Variants in DPP6 observed in about 807,000 individuals in gnomAD.
DPP6 encodes A-type potassium channel modulatory protein DPP6.
Under a neutral mutation model 122.6 loss-of-function variants are expected in DPP6, and 69 were observed. That is an observed-to-expected ratio of 0.56 (90% CI 0.46 to 0.69). The LOEUF (loss-of-function observed/expected upper bound fraction) is 0.69, where lower values mean the gene tolerates loss of function less well. Among genes scored for constraint, DPP6 ranks in the 30% least tolerant of loss-of-function variants. The pLI, the probability that DPP6 is intolerant of heterozygous loss-of-function variation, is 0.00. For synonymous variants in DPP6, 418 were observed against 433.1 expected, an observed-to-expected ratio of 0.97 and a Z score of 0.43; for missense variants, 928 against 1,116.9, an observed-to-expected ratio of 0.83 and a Z score of 2.41.
At chr7:154,230,633 T>A (rs537699298) in intron 1 of DPP6, among the ~76,000 whole-genome samples, 35 of 152,330 alleles carry the variant, frequency 2.3e-4, no homozygotes, top group African/African-American at 8.4e-4. Flanking sequence ...GATGTAAAGA[T>A]TGGGGCTAGC....
Position 154,803,946 on chromosome 7 carries a change from G to A in DPP6, c.1490G>A (p.Gly497Glu), listed in dbSNP as rs1410390397. The change falls in exon 14 of 26, where the codon GGG (glycine) becomes GAG (glutamate). Residue 497 changes from glycine (G) to glutamate (E), a missense_variant. Physicochemically the swap from Gly to Glu is moderately conservative, Grantham distance 98. Transcript: ENST00000377770. ...AAGATCCTAGCCTACGATGAGAAGGGGAATAAGATGTGAGTGAGAACCAGG... is the reference window on the plus strand; with the variant it reads ...AAGATCCTAGCCTACGATGAGAAGGAGAATAAGATGTGAGTGAGAACCAGG... The part of the protein sequence containing the change: ...VTKILAYDEK[G>E]NKIYFLSTED... 6.2e-7 allele frequency: 1 copy of A among 1,613,622 alleles called. No individual in the cohort carries two copies. The highest frequency in any genetic ancestry group is 1.1e-5 in the South Asian group (1 of 90,934).
intron 1 of DPP6, among the ~76,000 whole-genome samples, chr7:154,275,552 G>A (rs1162879301): frequency 6.6e-6 from 1 of 152,170 alleles, no homozygotes; most frequent in African/African-American, 2.4e-5. Context: ...AGCAAACTAT[G>A]TTGCAGGTTT....
intron 1 of DPP6, among the ~76,000 whole-genome samples, chr7:153,939,781 T>A (rs1259889922): frequency 2.6e-5 from 4 of 152,174 alleles, no homozygotes; most frequent in African/African-American, 4.8e-5. Flanking sequence ...CTTTATTGCA[T>A]TTTGCTATGA....
rs73497241 is a variant in DPP6 at position 154,434,585 on chromosome 7, G to A, written c.244-11629G>A. On this transcript the variant is annotated intron_variant, in intron 1 of 25. Coordinates refer to ENST00000377770, the MANE Select transcript of DPP6 (RefSeq NM_130797.4). ...ATATTCCTTCTCTTCTCCCACCTTT[G>A]TTTCTGAGCTGCTCACCTGAGCTGT... Among the ~76,000 whole-genome samples, 1,189 of 152,098 alleles carry A rather than the reference G, an allele frequency of 7.8e-3. 12 individuals are homozygous for A. The highest frequency in any genetic ancestry group is 0.027 in the African/African-American group (1,105 of 41,470).
intron 1 of DPP6, among the ~76,000 whole-genome samples, chr7:153,987,935 G>A (rs916329505): frequency 5.3e-5 from 8 of 152,126 alleles, no homozygotes; most frequent in African/African-American, 1.9e-4. Flanking sequence ...GTATGGAATT[G>A]GTCAGCTTGG....
At chr7:154,816,413 GA>G (rs1443334696) in intron 16 of DPP6, among the ~76,000 whole-genome samples, 1 of 152,058 alleles carries the variant, frequency 6.6e-6, no homozygotes, top group African/African-American at 2.4e-5. Context: ...TGTAGGCACA[GA>G]AAAAACATTA....
intron 1 of DPP6, among the ~76,000 whole-genome samples, chr7:154,423,014 C>T (rs1013660829): frequency 7.9e-5 from 12 of 152,160 alleles, no homozygotes; most frequent in African/African-American, 2.2e-4. Context: ...TGGTTCTCGG[C>T]TTGTTGAAAG....
intron 1 of DPP6, among the ~76,000 whole-genome samples, chr7:154,360,231 A>G (rs887463858): frequency 1.3e-5 from 2 of 152,202 alleles, no homozygotes; most frequent in African/African-American, 4.8e-5. Context: ...ACACTGCCTG[A>G]GGAGCTATCA....
At chr7:154,598,125 G>A (rs1375950214) in intron 5 of DPP6, among the ~76,000 whole-genome samples, 4 of 152,124 alleles carry the variant, frequency 2.6e-5, no homozygotes, top group Non-Finnish European at 5.9e-5. Flanking sequence ...TTTGGTAATT[G>A]TCTTCTGTAC....
At position 154,509,526 on chromosome 7, in the gene DPP6, G is replaced by A. The variant is rs550724907; in HGVS notation, c.458-31006G>A. ...AACAGAACCTTCACGTCCTGCTGGT[G>A]GTAATGGAAAATGGTGTAACCACTT... On this transcript the variant is annotated intron_variant, in intron 3 of 25. Transcript: ENST00000377770. Among the ~76,000 whole-genome samples the A allele has an allele frequency of 2.6e-5, 4 of 152,262 alleles. No individual in the cohort carries two copies. In the South Asian group the frequency reaches 6.2e-4, roughly 24 times the overall value.
At chr7:154,643,433 T>C (rs956218211) in intron 6 of DPP6, among the ~76,000 whole-genome samples, 5 of 150,928 alleles carry the variant, frequency 3.3e-5, no homozygotes, top group Non-Finnish European at 7.4e-5. Context: ...ACTTATATAA[T>C]AAAATGTTAT....
At chr7:153,849,942 AATAG>A in the DPP6 span, among the ~76,000 whole-genome samples, 97 of 152,338 alleles carry the variant, frequency 6.4e-4, no homozygotes, top group African/African-American at 2.2e-3. Context: ...TCTATTATTT[AATAG>A]ATAAATTTGG....
At chr7:154,794,558 G>T (rs1587161058) in intron 11 of DPP6, among the ~76,000 whole-genome samples, 1 of 152,334 alleles carries the variant, frequency 6.6e-6, no homozygotes, top group Admixed American at 6.5e-5. Flanking sequence ...GAGAGGAGGG[G>T]CCCTGCCTTT....
chr7:153,808,208 TGTGTGCCTGAGTGTGC>T, the DPP6 span, among the ~76,000 whole-genome samples: 1,642 of 151,892 alleles, frequency 0.011, 17 homozygotes, highest in Non-Finnish European at 0.015. Context: ...TGCCTGAGTG[TGTGTGCCTGAGTGTGC>T]GTGCCTGAGT....
chr7:153,996,088 G>A (rs185256963), intron 1 of DPP6, among the ~76,000 whole-genome samples: 1,547 of 152,146 alleles, frequency 0.01, 7 homozygotes, highest in Middle Eastern at 0.02. Context: ...TGTTGCCATG[G>A]ATGAGTTAAC....
intron 4 of DPP6, among the ~76,000 whole-genome samples, chr7:154,563,884 G>C (rs1830580730): frequency 6.6e-6 from 1 of 152,278 alleles, no homozygotes; most frequent in Non-Finnish European, 1.5e-5. Context: ...AGACATGAAT[G>C]TTGGAATCCT....
At position 154,845,722 on chromosome 7, in the gene DPP6, A is replaced by G. The variant is rs182652335; in HGVS notation, c.1667-8058A>G. Among the ~76,000 whole-genome samples, 3 of 152,326 alleles carry G rather than the reference A, an allele frequency of 2.0e-5. No homozygotes were observed. In the East Asian group the frequency reaches 5.8e-4, roughly 29 times the overall value. On this transcript the variant is annotated intron_variant, in intron 16 of 25. Transcript: ENST00000377770. ...TTTCTAAAAATTCAAACATTTACCC[A>G]TTAGAGTGGTTTTAAAAACTTTTTT... is the stretch of plus-strand genomic sequence containing the variant.
chr7:154,718,050 CT>C (rs1841590216), intron 7 of DPP6, among the ~76,000 whole-genome samples: 1 of 152,168 alleles, frequency 6.6e-6, no homozygotes, highest in Admixed American at 6.5e-5. Flanking sequence ...TGTATGTCTT[CT>C]TTTGGAAAAT....
chr7:154,086,545 G>A (rs60244841), intron 1 of DPP6, among the ~76,000 whole-genome samples: 20,074 of 149,290 alleles, frequency 0.13, 1,799 homozygotes, highest in African/African-American at 0.26. Context: ...TTCAGGGCTC[G>A]TTTCTGAGCA....
Sources: gnomAD v4.1 joint callset for allele counts (sites outside exome capture counted in the v4.1 genomes callset) on GRCh38, gnomAD v4.1.1 for gene constraint, MANE v1.5 for transcripts, NCBI Gene and HGNC (gene_info 2026-07-23, HGNC 2026-07-21) for gene names.